SLC22A15: variants seen among roughly 807,000 people sequenced by gnomAD.
SLC22A15 encodes the protein flipt 1.
In SLC22A15, 45 loss-of-function variants were observed where a neutral mutation model predicts 62.7. That is an observed-to-expected ratio of 0.72 (90% CI 0.56 to 0.92). The LOEUF is 0.92. Among genes scored for constraint, SLC22A15 ranks in the 40% least tolerant of loss-of-function variants. The pLI, the probability that SLC22A15 is intolerant of heterozygous loss-of-function variation, is 0.00. For missense variants in SLC22A15, 622 were observed against 665.6 expected, an observed-to-expected ratio of 0.93 and a Z score of 0.72; for synonymous variants, 264 against 267.0, an observed-to-expected ratio of 0.99 and a Z score of 0.11.
intron 2 of SLC22A15, among the ~76,000 whole-genome samples, chr1:115,998,972 A>T (rs925522724): frequency 6.6e-6 from 1 of 151,808 alleles, no homozygotes; most frequent in African/African-American, 2.4e-5. Context: ...GGTATATTGT[A>T]TTTCTATTTT....
chr1:116,009,736 T>C (rs530522408), intron 2 of SLC22A15, among the ~76,000 whole-genome samples: 33 of 152,324 alleles, frequency 2.2e-4, no homozygotes, highest in Middle Eastern at 6.8e-3. Context: ...TACCTAAACA[T>C]GTCACTAAGT....
chr1:116,053,859 G>A (rs1244968433), intron 8 of SLC22A15, among the ~76,000 whole-genome samples: 29 of 151,728 alleles, frequency 1.9e-4, no homozygotes, highest in Admixed American at 1.8e-3. Flanking sequence ...AATGCTGAGA[G>A]ATTTTGTCAC....
intron 8 of SLC22A15, among the ~76,000 whole-genome samples, chr1:116,061,311 G>T (rs933723455): frequency 6.6e-6 from 1 of 152,190 alleles, no homozygotes; most frequent in African/African-American, 2.4e-5. Flanking sequence ...AGGAAAGAGA[G>T]CATATTTCAT....
At chr1:115,992,310 G>A in intron 2 of SLC22A15, 67 bp downstream of exon 2, 3 of 1,319,898 alleles carry the variant, frequency 2.3e-6, no homozygotes, top group Non-Finnish European at 3.2e-6. Context: ...TACTCTTTTT[G>A]TCTTGCTGAT....
intron 8 of SLC22A15, among the ~76,000 whole-genome samples, chr1:116,054,712 C>T (rs1341172513): frequency 3.3e-5 from 5 of 152,114 alleles, no homozygotes; most frequent in Admixed American, 3.3e-4. Context: ...CTGCCTCAGA[C>T]CACAGTGCAA....
In SLC22A15 at chr1:115,976,532, C is replaced by G. The variant is rs1654290534; in HGVS notation, c.-96C>G. On this transcript the variant is annotated 5_prime_UTR_variant, in exon 1 of 12. Transcript: ENST00000369503. ...GCTTCCATCCCCGCCCCGGCGGGTCCAAGCCGGTGCCGGGCGCCCAGGGGT... is the reference window on the plus strand; with the variant it reads ...GCTTCCATCCCCGCCCCGGCGGGTCGAAGCCGGTGCCGGGCGCCCAGGGGT... The G allele has an allele frequency of 1.2e-6, 1 of 830,346 alleles. No homozygotes were observed. Among genetic ancestry groups the G allele is most frequent in the Non-Finnish European group, 1.7e-6 (1 of 578,664 alleles). 51.4% of individuals were successfully genotyped at this position (830,346 alleles called of 1,614,324 possible).
chr1:116,019,173 A>G (rs1194417116), intron 2 of SLC22A15, among the ~76,000 whole-genome samples: 3 of 152,218 alleles, frequency 2.0e-5, no homozygotes, highest in Non-Finnish European at 4.4e-5. Flanking sequence ...CCATAAGCCA[A>G]TTGGACAAAA....
At position 116,031,428 on chromosome 1, in the gene SLC22A15, C is replaced by T. The variant is rs760335203; in HGVS notation, c.791C>T (p.Ala264Val). The stretch of plus-strand genomic sequence containing the variant: ...GGTCGACTGAGTGAGGCTGAAGAGG[C>T]GCTGTACCTCATTGCCAAGAGGAAC... ...SQGRLSEAEE[A>V]LYLIAKRNRK... The change falls in exon 6 of 12, where the codon GCG becomes GTG. Residue 264 changes from alanine to valine, a missense_variant. Ala to Val is a moderately conservative substitution (Grantham distance 64). Transcript: ENST00000369503. 1.1e-5 allele frequency: 17 copies of T among 1,613,698 alleles called. No individual in the cohort carries two copies. The South Asian group carries it at 1.3e-4, about 13-fold the overall frequency.
intron 2 of SLC22A15, among the ~76,000 whole-genome samples, chr1:115,995,920 C>A (rs891155853): frequency 6.6e-6 from 1 of 152,142 alleles, no homozygotes; most frequent in East Asian, 1.9e-4. Context: ...CTAGTTTCTT[C>A]CAATGGGGAA....
At chr1:115,980,572 G>GTA (rs1461463212) in intron 1 of SLC22A15, among the ~76,000 whole-genome samples, 2 of 152,090 alleles carry the variant, frequency 1.3e-5, no homozygotes, top group Non-Finnish European at 2.9e-5. Flanking sequence ...GCAGAACAGT[G>GTA]TATACTATGT....
chr1:116,041,346 A>G (rs1657779742), intron 8 of SLC22A15, among the ~76,000 whole-genome samples: 1 of 152,254 alleles, frequency 6.6e-6, no homozygotes, highest in Non-Finnish European at 1.5e-5. Context: ...AAAAATAATA[A>G]TAAAAATCAG....
intron 2 of SLC22A15, among the ~76,000 whole-genome samples, chr1:116,002,266 C>A (rs78969741): frequency 1.3e-5 from 2 of 152,212 alleles, no homozygotes; most frequent in Non-Finnish European, 2.9e-5. Flanking sequence ...TTGGTCACTA[C>A]CACTGGGACT....
intron 8 of SLC22A15, among the ~76,000 whole-genome samples, chr1:116,057,298 A>G (rs1159733972): frequency 6.6e-6 from 1 of 152,100 alleles, no homozygotes. Flanking sequence ...CAACAGACAC[A>G]TGAAAAAATG....
At chr1:116,012,667 A>G (rs1656331413) in intron 2 of SLC22A15, among the ~76,000 whole-genome samples, 1 of 152,264 alleles carries the variant, frequency 6.6e-6, no homozygotes. Flanking sequence ...TACACGCTGA[A>G]ACAAAAGATC....
At chr1:115,991,432 G>A (rs535013572) in intron 1 of SLC22A15, among the ~76,000 whole-genome samples, 49 of 152,148 alleles carry the variant, frequency 3.2e-4, no homozygotes, top group Non-Finnish European at 5.7e-4. Flanking sequence ...TCTATAGCTG[G>A]GACTTTGAAT....
chr1:116,040,828 G>C (rs1198630064), intron 8 of SLC22A15, among the ~76,000 whole-genome samples: 1 of 152,142 alleles, frequency 6.6e-6, no homozygotes, highest in Non-Finnish European at 1.5e-5. Context: ...GTGGTCGGGA[G>C]CTCCTGGTCT....
chr1:116,042,271 C>T (rs572422380), intron 8 of SLC22A15, among the ~76,000 whole-genome samples: 3 of 151,178 alleles, frequency 2.0e-5, no homozygotes, highest in African/African-American at 7.3e-5. Context: ...AAATGTACTC[C>T]ATGTGCTTAA....
rs115626713 is a variant in SLC22A15, at chr1:115,993,911, G to C, written c.300+1668G>C. Among the ~76,000 whole-genome samples the C allele has an allele frequency of 5.3e-3, 802 of 152,050 alleles. 2 individuals carry two copies. The highest frequency in any genetic ancestry group is 0.019 in the African/African-American group (777 of 41,456). On this transcript the variant is annotated intron_variant, in intron 2 of 11. Transcript: ENST00000369503. ...CAAGCTCTCAGCATAACCTATTATT[G>C]TCAGGAAAGCCCTCACCGCTTGCCC...
intron 2 of SLC22A15, among the ~76,000 whole-genome samples, chr1:115,996,667 T>C (rs1655441364): frequency 6.6e-6 from 1 of 151,414 alleles, no homozygotes; most frequent in Non-Finnish European, 1.5e-5. Context: ...AGATAAATAT[T>C]GTACAATTCA....
Sources: gnomAD v4.1 joint callset for allele counts (sites outside exome capture counted in the v4.1 genomes callset) on GRCh38, gnomAD v4.1.1 for gene constraint, MANE v1.5 for transcripts, NCBI Gene and HGNC (gene_info 2026-07-23, HGNC 2026-07-21) for gene names.